DLL1: variants seen among roughly 807,000 people sequenced by gnomAD.
DLL1 encodes the protein delta-like protein 1.
Under a neutral mutation model 75.1 loss-of-function variants are expected in DLL1, and 9 were observed. The observed-to-expected ratio is 0.12, with a 90% CI of 0.07 to 0.21. The LOEUF (loss-of-function observed/expected upper bound fraction) is 0.21. DLL1 is among the 10% of genes least tolerant of loss of function. The pLI, the probability that DLL1 is intolerant of heterozygous loss-of-function variation, is 1.00. For synonymous variants in DLL1, 477 were observed against 418.3 expected (o/e 1.14, Z -1.71); for missense variants, 837 against 1,007.6 (o/e 0.83, Z 2.29).
chr6:170,290,683 C>G lies in DLL1; in HGVS notation c.-544G>C. On this transcript the variant is annotated 5_prime_UTR_variant, in exon 1 of 11. Transcript: ENST00000366756. This position sits in a 1 kb window ranked among gnomAD's most constrained non-coding sequence, Gnocchi z 4.7. ...GCGGCGGCGGGTGTGCGCGGCGGCC[C>G]CTGCGGATCGCGGCCCGGTGTCACT... is the stretch of plus-strand genomic sequence containing the variant. 3.2e-6 allele frequency: 1 copy of G among 309,004 alleles called. No homozygotes were observed. The highest frequency in any genetic ancestry group is 6.0e-6 in the Non-Finnish European group (1 of 167,372). The allele number at this position is 309,004 out of a possible 1,614,324, so 19.1% of individuals were successfully genotyped here.
Position 170,289,781 on chromosome 6 carries a change from T to G in DLL1, c.82A>C (p.Lys28Gln). ...TTCTTGTTGACGAACTCCTGCAGCT[T>G]CAGTTCGAACACCCCAGAGCTCCAG... The part of the protein sequence containing the change: ...QVWSSGVFEL[K>Q]LQEFVNKKGL... The change falls in exon 2 of 11, where the codon AAG becomes CAG. Residue 28 changes from lysine to glutamine, a missense_variant. Physicochemically the swap from Lys to Gln is moderately conservative, Grantham distance 53 (BLOSUM62 1). Transcript: ENST00000366756. The G allele has an allele frequency of 6.4e-7, 1 of 1,557,436 alleles. No homozygotes were observed. Among genetic ancestry groups the G allele is most frequent in the Non-Finnish European group, 8.7e-7 (1 of 1,150,476 alleles).
intron 4 of DLL1, among the ~76,000 whole-genome samples, chr6:170,286,629 C>T (rs971955434): frequency 3.3e-5 from 5 of 151,844 alleles, no homozygotes; most frequent in Non-Finnish European, 5.9e-5. Flanking sequence ...CAAAGCTCCA[C>T]CTCTTAATAT....
intron 3 of DLL1, 69 bp from the exon 4 acceptor site, chr6:170,288,565 G>A (rs1467984990): frequency 6.2e-7 from 1 of 1,613,424 alleles, no homozygotes; most frequent in Non-Finnish European, 8.5e-7. Flanking sequence ...AGCGGGGGTG[G>A]GCCGAGACAT....
chr6:170,285,134 T>G lies in DLL1; in HGVS notation c.1034A>C (p.Asp345Ala). 6.2e-7 allele frequency: 1 copy of G among 1,608,910 alleles called. No homozygotes were observed. Among genetic ancestry groups the G allele is most frequent in the Non-Finnish European group, 8.5e-7 (1 of 1,177,920 alleles). ...GGTACAGGAGTAGCTGTTCTCGAGA[T>G]CCTACACGATGGAGAGGTCAGAAAA... ...SPCKNGGSCTDLENSYSCTCP... is the reference protein window; with the variant it reads ...SPCKNGGSCTALENSYSCTCP... The change falls in exon 8 of 11, where the codon GAT becomes GCT. Residue 345 changes from aspartate (D) to alanine (A), a missense_variant and splice_region_variant. Asp to Ala is a moderately radical substitution (Grantham distance 126, BLOSUM62 -2). Coordinates refer to ENST00000366756, the MANE Select transcript of DLL1 (RefSeq NM_005618.4).
At chr6:170,283,188 C>A (rs777092109) in intron 9 of DLL1, 43 bp downstream of exon 9, 3 of 1,612,234 alleles carry the variant, frequency 1.9e-6, no homozygotes, top group South Asian at 2.2e-5. Flanking sequence ...CAGGAAGACA[C>A]CCCCCAGGTA....
At position 170,290,215 on chromosome 6, in the gene DLL1, G is replaced by A; in HGVS notation, c.-76C>T. On this transcript the variant is annotated 5_prime_UTR_variant, in exon 1 of 11. Coordinates refer to ENST00000366756, the MANE Select transcript of DLL1 (RefSeq NM_005618.4). This position sits in a 1 kb window ranked among gnomAD's most constrained non-coding sequence, Gnocchi z 4.7. ...AACAGCGGCGGACGCGCGGGGGATC[G>A]ATGGGCCACGGGGAGCGTGGGCAGA... is the stretch of plus-strand genomic sequence containing the variant. The A allele has an allele frequency of 1.9e-6, 3 of 1,543,616 alleles. No individual in the cohort carries two copies. The highest frequency in any genetic ancestry group is 2.6e-6 in the Non-Finnish European group (3 of 1,143,094).
intron 5 of DLL1, 56 bp from the exon 6 acceptor site, chr6:170,285,755 G>C: frequency 6.2e-7 from 1 of 1,610,338 alleles, no homozygotes; most frequent in Non-Finnish European, 8.5e-7. Context: ...CTTTGCAGTG[G>C]ACATTCTCAC....
intron 3 of DLL1, 101 bp downstream of exon 3, chr6:170,288,628 T>A: frequency 1.9e-6 from 3 of 1,608,278 alleles, no homozygotes; most frequent in Non-Finnish European, 1.7e-6. Context: ...CTGGGGCACG[T>A]GCAGAATGAA....
chr6:170,289,974 C>A, intron 1 of DLL1, 112 bp downstream of exon 1: 2 of 1,332,786 alleles, frequency 1.5e-6, no homozygotes, highest in Non-Finnish European at 1.9e-6. Context: ...TCTTCCGGGC[C>A]GTGGCTGGCG....
At chr6:170,284,057 T>C in intron 8 of DLL1, 28 bp from the exon 9 acceptor site, 1 of 1,543,296 alleles carries the variant, frequency 6.5e-7, no homozygotes, top group Non-Finnish European at 8.7e-7. Flanking sequence ...GAACATCACG[T>C]GTCTCCTCGT....
At position 170,286,295 on chromosome 6, in the gene DLL1, A is replaced by G. The variant is rs776493746; in HGVS notation, c.674T>C (p.Ile225Thr). 1.9e-6 allele frequency: 3 copies of G among 1,614,224 alleles called. No homozygotes were observed. The highest frequency in any genetic ancestry group is 1.7e-6 in the Non-Finnish European group (2 of 1,180,042). ...CTGCTCATCACATCCAGGCAGGCAG[A>G]TCGCTACAAGCAAAGGAAAAACAGG... ...GWKGPYCTEPICLPGCDEQHG... is the reference protein window; with the variant it reads ...GWKGPYCTEPTCLPGCDEQHG... Residue 225 changes from isoleucine (I) to threonine (T), a missense_variant, in exon 5 of 11, where the codon ATC becomes ACC. By Grantham distance (89) the Ile-to-Thr change is moderately conservative. Transcript: ENST00000366756.
At chr6:170,287,167 C>T (rs796267281) in intron 4 of DLL1, among the ~76,000 whole-genome samples, 84 of 152,244 alleles carry the variant, frequency 5.5e-4, no homozygotes, top group African/African-American at 1.9e-3. Context: ...CAAGGCAAAG[C>T]TTAGAAGGAG....
At chr6:170,289,306 C>A (rs1287884329) in intron 2 of DLL1, 16 of 848,386 alleles carry the variant, frequency 1.9e-5, no homozygotes, top group Non-Finnish European at 2.8e-5. Context: ...GCGCGGTCCC[C>A]TCCTGCAGGC....
intron 5 of DLL1, 72 bp downstream of exon 5, chr6:170,286,166 T>C: frequency 6.2e-7 from 1 of 1,601,498 alleles, no homozygotes; most frequent in Non-Finnish European, 8.6e-7. Context: ...GGGCTGTTTT[T>C]ACAAATACAC....
chr6:170,289,485 C>T (rs1188372362), intron 2 of DLL1, 27 bp downstream of exon 2: 4 of 1,527,766 alleles, frequency 2.6e-6, no homozygotes, highest in East Asian at 2.5e-5. Context: ...TCAGGGCCGG[C>T]CCGGCGCGCG....
In DLL1 at chr6:170,283,120, G is replaced by A. The variant is rs1562494084; in HGVS notation, c.2049-15C>T. 2 of 1,614,070 alleles carry A rather than the reference G, an allele frequency of 1.2e-6. No homozygotes were observed. The highest frequency in any genetic ancestry group is 1.7e-6 in the Non-Finnish European group (2 of 1,179,948). On this transcript the variant is annotated splice_polypyrimidine_tract_variant and intron_variant, in intron 9 of 10. Coordinates refer to ENST00000366756, the MANE Select transcript of DLL1 (RefSeq NM_005618.4). ...ATGCTTCTCCACTAAAAGGAAAATAGAGAAAATCCACAATGAATGCATGAG... is the reference window on the plus strand; with the variant it reads ...ATGCTTCTCCACTAAAAGGAAAATAAAGAAAATCCACAATGAATGCATGAG...
chr6:170,290,578 C>G lies in DLL1; in HGVS notation c.-439G>C, dbSNP rs1783838788. On this transcript the variant is annotated 5_prime_UTR_variant, in exon 1 of 11. Transcript: ENST00000366756. The surrounding 1 kb of genome is among the most constrained non-coding windows in gnomAD (Gnocchi z 4.7). ...AGAGCTGCAGAGCTTCCTCCCGAGC[C>G]GATTAGAAAGCCGCGGTCTGGAAAT... 2 of 243,480 alleles carry G rather than the reference C, an allele frequency of 8.2e-6. No individual in the cohort carries two copies. Among genetic ancestry groups the G allele is most frequent in the Non-Finnish European group, 1.5e-5 (2 of 130,102 alleles). The allele number at this position is 243,480 out of a possible 1,614,324, so 15.1% of individuals were successfully genotyped here. A position where few individuals can be genotyped will look rare whatever the true frequency, so the allele number is the denominator to read the frequency against.
chr6:170,288,390 G>A lies in DLL1; in HGVS notation c.519C>T (p.Tyr173=), dbSNP rs1162018225. 1.9e-6 allele frequency: 3 copies of A among 1,614,106 alleles called. No homozygotes were observed. In the South Asian group the frequency reaches 3.3e-5, roughly 18 times the overall value. Residue 173 remains tyrosine (Y), a synonymous_variant, in exon 4 of 11, where the codon TAC becomes TAT. Transcript: ENST00000366756. ...GTTCGTCACACACGAAGCGGTAGGA[G>A]TACTTGAGGTCCGTGCGGCCGCTGC... ...LHSSGRTDLK[Y]SYRFVCDEHY...
Position 170,285,549 on chromosome 6 carries a change from C to T in DLL1, c.862+20G>A. Reference sequence around the variant, plus strand: ...GGCTGCTCTGGAGGGAGCAGGCTGCCTCAGGGAGAGAAGGCTTACCCTGGT... The same window carrying T: ...GGCTGCTCTGGAGGGAGCAGGCTGCTTCAGGGAGAGAAGGCTTACCCTGGT... On this transcript the variant is annotated intron_variant, in intron 6 of 10. Transcript: ENST00000366756. 2 of 1,614,142 alleles carry T rather than the reference C, an allele frequency of 1.2e-6. No homozygotes were observed. The highest frequency in any genetic ancestry group is 1.7e-6 in the Non-Finnish European group (2 of 1,180,020).
Sources: gnomAD v4.1 joint callset for allele counts (sites outside exome capture counted in the v4.1 genomes callset) on GRCh38, gnomAD v4.1.1 for gene constraint, Gnocchi (gnomAD v3.1) non-coding constraint, MANE v1.5 for transcripts, NCBI Gene and HGNC (gene_info 2026-07-23, HGNC 2026-07-21) for gene names.